The following ATCAY variants were observed in gnomAD, a reference collection of about 807,000 sequenced individuals.
ATCAY encodes the protein caytaxin.
In ATCAY, 22 loss-of-function variants were observed where a neutral mutation model predicts 47.7. That is an observed-to-expected ratio of 0.46 (90% CI 0.33 to 0.66). The LOEUF (loss-of-function observed/expected upper bound fraction) is 0.66, where lower values mean the gene tolerates loss of function less well. Among genes scored for constraint, ATCAY ranks in the 30% least tolerant of loss-of-function variants. ATCAY has a pLI of 0.02. For missense variants in ATCAY, 452 were observed against 515.0 expected (o/e 0.88, Z 1.18); for synonymous variants, 216 against 207.6 (o/e 1.04, Z -0.35).
chr19:3,894,669 C>G (rs1211795365), intron 2 of ATCAY, among the ~76,000 whole-genome samples: 1 of 145,864 alleles, frequency 6.9e-6, no homozygotes, highest in East Asian at 2.0e-4. Context: ...GAAAAATTAA[C>G]CAGGTGTGGC....
At chr19:3,887,491 A>G (rs2038668813) in intron 2 of ATCAY, among the ~76,000 whole-genome samples, 1 of 149,888 alleles carries the variant, frequency 6.7e-6, no homozygotes, top group Non-Finnish European at 1.5e-5. Flanking sequence ...TTATTTATTT[A>G]TTTATTTATT....
chr19:3,893,020 T>G (rs1207855712), intron 2 of ATCAY, among the ~76,000 whole-genome samples: 1 of 152,106 alleles, frequency 6.6e-6, no homozygotes, highest in East Asian at 1.9e-4. Flanking sequence ...ACTCATTGCA[T>G]CAGGTTGAGT....
chr19:3,900,044 C>T (rs1043195002), intron 2 of ATCAY, among the ~76,000 whole-genome samples: 8 of 152,024 alleles, frequency 5.3e-5, no homozygotes, highest in African/African-American at 9.7e-5. Flanking sequence ...ATATTTGTCA[C>T]AATTGATGAA....
intron 3 of ATCAY, 76 bp downstream of exon 3, chr19:3,902,621 T>C (rs1568447635): frequency 6.8e-7 from 1 of 1,466,326 alleles, no homozygotes. Context: ...GGGCTGTAAC[T>C]GTAGAAATGT....
Position 3,920,752 on chromosome 19 carries a change from T to G in ATCAY, c.1074-14T>G, listed in dbSNP as rs10420591. ...ATAAGCAAATAACGCCCAGTCTCCG[T>G]CTCTCCTCCACAGGTCTGCTCTGGT... is the stretch of plus-strand genomic sequence containing the variant. On this transcript the variant is annotated splice_polypyrimidine_tract_variant and intron_variant, in intron 11 of 12. Coordinates refer to ENST00000450849, the MANE Select transcript of ATCAY (RefSeq NM_033064.5). 6.3e-7 allele frequency: 1 copy of G among 1,599,016 alleles called. No individual in the cohort carries two copies. The highest frequency in any genetic ancestry group is 2.2e-5 in the East Asian group (1 of 44,566).
At chr19:3,923,062 C>T (rs946153640) in intron 12 of ATCAY, among the ~76,000 whole-genome samples, 7 of 152,110 alleles carry the variant, frequency 4.6e-5, no homozygotes, top group African/African-American at 1.2e-4. Flanking sequence ...CAGTTTTATA[C>T]AAATCTATAA....
intron 2 of ATCAY, chr19:3,895,240 G>C (rs1234731979): frequency 2.2e-6 from 1 of 456,158 alleles, no homozygotes. Context: ...TTTTGAGACG[G>C]AGTCTCACTC....
chr19:3,914,703 C>A (rs1303295366), intron 9 of ATCAY, among the ~76,000 whole-genome samples: 1 of 151,902 alleles, frequency 6.6e-6, no homozygotes, highest in African/African-American at 2.4e-5. Flanking sequence ...TGCCTGTAAT[C>A]CCAGATACTG....
At chr19:3,918,668 A>G in intron 10 of ATCAY, 138 bp from the exon 11 acceptor site, 3 of 782,080 alleles carry the variant, frequency 3.8e-6, no homozygotes, top group South Asian at 4.0e-5. Context: ...TCAAATAGCA[A>G]AGGCAGGGAA....
chr19:3,916,093 G>C (rs1246396028), intron 9 of ATCAY, among the ~76,000 whole-genome samples: 1 of 152,220 alleles, frequency 6.6e-6, no homozygotes, highest in Admixed American at 6.5e-5. Flanking sequence ...CCTACTTTCT[G>C]TCTCTGGGAG....
intron 2 of ATCAY, among the ~76,000 whole-genome samples, chr19:3,887,708 G>T (rs1037482388): frequency 1.3e-5 from 2 of 150,176 alleles, no homozygotes; most frequent in East Asian, 2.1e-4. Flanking sequence ...GGATGGTCTC[G>T]ATCGTCTGAC....
At chr19:3,915,069 T>C (rs1397957484) in intron 9 of ATCAY, among the ~76,000 whole-genome samples, 1 of 152,210 alleles carries the variant, frequency 6.6e-6, no homozygotes, top group Non-Finnish European at 1.5e-5. Context: ...GCACCTCCCC[T>C]AGGTTCATGC....
At chr19:3,908,454 T>C (rs1459101524) in intron 6 of ATCAY, 84 bp downstream of exon 6, 30 of 1,291,868 alleles carry the variant, frequency 2.3e-5, no homozygotes, top group South Asian at 3.8e-5. Flanking sequence ...AAGGATTGCA[T>C]TGTGGCCCTA....
chr19:3,897,080 G>C (rs2038776071), intron 2 of ATCAY, among the ~76,000 whole-genome samples: 1 of 151,730 alleles, frequency 6.6e-6, no homozygotes, highest in East Asian at 1.9e-4. Flanking sequence ...CGCCCAGCCA[G>C]AAATCTAGAC....
rs186249047 is a variant in ATCAY, at chr19:3,887,782, T to A, written c.77+1938T>A. Among the ~76,000 whole-genome samples, 4 of 140,094 alleles carry A rather than the reference T, an allele frequency of 2.9e-5. 1 individual carries two copies. Among genetic ancestry groups the A allele is most frequent in the Non-Finnish European group, 3.1e-5 (2 of 65,048 alleles). 91.9% of individuals were successfully genotyped at this position (140,094 alleles called of 152,430 possible). ...ATTACAGGCGTGAGCCATCGCGCCC[T>A]ACCACCTGTCTCTATTTAAAAAGAG... is the stretch of plus-strand genomic sequence containing the variant. On this transcript the variant is annotated intron_variant, in intron 2 of 12. Transcript: ENST00000450849.
intron 12 of ATCAY, 97 bp downstream of exon 12, chr19:3,920,895 A>G: frequency 7.0e-7 from 1 of 1,429,674 alleles, no homozygotes. Context: ...AAATCAAACC[A>G]GCTGCCAGCA....
intron 4 of ATCAY, among the ~76,000 whole-genome samples, chr19:3,906,170 C>CA (rs71339081): frequency 0.11 from 8,001 of 75,054 alleles, 771 homozygotes; most frequent in African/African-American, 0.29. Context: ...GACTCCGTCT[C>CA]AAAAAAAAAA....
intron 11 of ATCAY, 55 bp from the exon 12 acceptor site, chr19:3,920,711 G>A (rs377649373): frequency 2.0e-6 from 3 of 1,490,314 alleles, no homozygotes; most frequent in African/African-American, 2.8e-5. Flanking sequence ...AAGGGAAAAT[G>A]CCCAGGCTCC....
chr19:3,921,248 C>A (rs558717816), intron 12 of ATCAY, among the ~76,000 whole-genome samples: 1 of 151,654 alleles, frequency 6.6e-6, no homozygotes, highest in Non-Finnish European at 1.5e-5. Flanking sequence ...CAGCGTCTCA[C>A]GCCTGTAATC....
Sources: allele counts gnomAD v4.1 joint callset (sites outside exome capture counted in the v4.1 genomes callset), GRCh38; gene constraint gnomAD v4.1.1; transcripts MANE v1.5; gene names NCBI Gene and HGNC (gene_info 2026-07-23, HGNC 2026-07-21).